The following TYW1B variants were observed in gnomAD, a reference collection of about 807,000 sequenced individuals.
The protein encoded by TYW1B is tRNA-yW synthesizing protein 1 homolog B, also known as S-adenosyl-L-methionine-dependent tRNA 4-demethylwyosine synthase TYW1B.
A neutral mutation model predicts 86.9 loss-of-function variants in TYW1B; 73 were observed. That is an observed-to-expected ratio of 0.84 (90% CI 0.70 to 1.02). TYW1B has a LOEUF of 1.02. Among genes scored for constraint, TYW1B ranks in the 50% least tolerant of loss-of-function variants. TYW1B has a pLI of 0.00. For synonymous variants in TYW1B, 248 were observed against 292.8 expected, an observed-to-expected ratio of 0.85 and a Z score of 1.56; for missense variants, 637 against 827.4, an observed-to-expected ratio of 0.77 and a Z score of 2.82.
intron 11 of TYW1B, among the ~76,000 whole-genome samples, chr7:72,668,859 T>C (rs1289424838): frequency 6.6e-6 from 1 of 152,200 alleles, no homozygotes; most frequent in African/African-American, 2.4e-5. Flanking sequence ...TTTTCTGATG[T>C]CAATGTCAGC....
chr7:72,808,676 C>T (rs556792277), intron 4 of TYW1B, among the ~76,000 whole-genome samples: 2 of 151,764 alleles, frequency 1.3e-5, no homozygotes, highest in Non-Finnish European at 2.9e-5. Context: ...TACAGGCATG[C>T]GCCACCATGC....
intron 5 of TYW1B, among the ~76,000 whole-genome samples, chr7:72,806,150 G>A (rs939441478): frequency 6.6e-6 from 1 of 151,922 alleles, no homozygotes; most frequent in Admixed American, 6.6e-5. Context: ...CTGTGGCTCC[G>A]TTTCGCAACT....
In TYW1B at chr7:72,777,465, T is replaced by C. The variant is rs1554470766; in HGVS notation, c.915A>G (p.Glu305=). The C allele has an allele frequency of 1.2e-6, 2 of 1,614,014 alleles. No individual in the cohort carries two copies. The highest frequency in any genetic ancestry group is 8.5e-7 in the Non-Finnish European group (1 of 1,180,012). The change falls in exon 7 of 14, where the codon GAA becomes GAG. Residue 305 remains glutamate, a synonymous_variant. Coordinates refer to ENST00000620995, the MANE Select transcript of TYW1B (RefSeq NM_001145440.3). The part of the protein sequence containing the change: ...FRNMGRNEDG[E]RRAMITPALR... ...GAGCAGGAGTTATCATAGCTCTTCT[T>C]TCACCATCTTCATTCCTCCCCATGT...
intron 13 of TYW1B, among the ~76,000 whole-genome samples, chr7:72,593,060 T>C (rs1236690037): frequency 2.0e-5 from 3 of 152,094 alleles, no homozygotes; most frequent in Non-Finnish European, 4.4e-5. Context: ...CCCAGCACTT[T>C]GGGAGGCCAA....
intron 8 of TYW1B, among the ~76,000 whole-genome samples, chr7:72,737,971 T>G (rs1378545508): frequency 3.9e-5 from 6 of 152,034 alleles, no homozygotes; most frequent in Admixed American, 2.0e-4. Flanking sequence ...AGACGGAGTT[T>G]CACCGTGTTA....
At chr7:72,745,201 T>A (rs1345071129) in intron 7 of TYW1B, among the ~76,000 whole-genome samples, 2 of 152,058 alleles carry the variant, frequency 1.3e-5, no homozygotes, top group Non-Finnish European at 2.9e-5. Context: ...TTTTTTAATT[T>A]TTTGTAGAGA....
intron 11 of TYW1B, 117 bp downstream of exon 11, chr7:72,694,570 T>G: frequency 7.6e-7 from 1 of 1,313,688 alleles, no homozygotes; most frequent in Non-Finnish European, 9.8e-7. Context: ...TCTTTTTTTA[T>G]TTTAAAGAGA....
chr7:72,778,824 C>T (rs1399868380), intron 6 of TYW1B, among the ~76,000 whole-genome samples: 1 of 152,126 alleles, frequency 6.6e-6, no homozygotes, highest in African/African-American at 2.4e-5. Context: ...ACCAGCACAC[C>T]TTTAATTACT....
rs782109905 is a variant in TYW1B at position 72,616,854 on chromosome 7, T to C, written c.1618-15A>G. Reference sequence around the variant, plus strand: ...TAGGTAACGCCCTGTGGAAACAGTATAACCATCAGAGATGACTACAGACCT... The same window carrying C: ...TAGGTAACGCCCTGTGGAAACAGTACAACCATCAGAGATGACTACAGACCT... On this transcript the variant is annotated splice_polypyrimidine_tract_variant and intron_variant, in intron 12 of 13. Transcript: ENST00000620995. 6.2e-7 allele frequency: 1 copy of C among 1,613,888 alleles called. No homozygotes were observed. Among genetic ancestry groups the C allele is most frequent in the Non-Finnish European group, 8.5e-7 (1 of 1,179,804 alleles).
chr7:72,821,602 A>G (rs1364850509), intron 2 of TYW1B, among the ~76,000 whole-genome samples: 2 of 152,144 alleles, frequency 1.3e-5, no homozygotes, highest in Non-Finnish European at 2.9e-5. Flanking sequence ...GAGCCTCTCT[A>G]TGGTATTTAG....
At chr7:72,669,663 G>A (rs1360052722) in intron 11 of TYW1B, among the ~76,000 whole-genome samples, 3 of 151,950 alleles carry the variant, frequency 2.0e-5, no homozygotes, top group African/African-American at 7.2e-5. Flanking sequence ...CCAGCTACTT[G>A]GGAAGCTGAG....
At chr7:72,811,919 C>CAA (rs66698234) in intron 3 of TYW1B, among the ~76,000 whole-genome samples, 1 of 108,650 alleles carries the variant, frequency 9.2e-6, no homozygotes, top group African/African-American at 3.5e-5. Flanking sequence ...GACTCCATCT[C>CAA]AAAAAAAAAA....
chr7:72,658,092 A>T (rs545909114), intron 11 of TYW1B, among the ~76,000 whole-genome samples: 14 of 151,954 alleles, frequency 9.2e-5, no homozygotes, highest in African/African-American at 3.1e-4. Context: ...CGTCTCTACT[A>T]AAAAAATACA....
At chr7:72,599,692 T>C (rs1554433326) in intron 13 of TYW1B, among the ~76,000 whole-genome samples, 1 of 152,154 alleles carries the variant, frequency 6.6e-6, no homozygotes, top group African/African-American at 2.4e-5. Flanking sequence ...AGCAAGGTTG[T>C]AAGACACAAA....
chr7:72,777,446 G>A lies in TYW1B; in HGVS notation c.934C>T (p.Pro312Ser). 6.2e-7 allele frequency: 1 copy of A among 1,614,040 alleles called. No homozygotes were observed. Among genetic ancestry groups the A allele is most frequent in the Non-Finnish European group, 8.5e-7 (1 of 1,179,958 alleles). Residue 312 changes from proline to serine, a missense_variant, in exon 7 of 14, where the codon CCT becomes TCT. Coordinates refer to ENST00000620995, the MANE Select transcript of TYW1B (RefSeq NM_001145440.3). ...EDGERRAMITPALREALTKQV... is the reference protein window; with the variant it reads ...EDGERRAMITSALREALTKQV... ...TTAGTAAGGGCTTCTCGGAGAGCAG[G>A]AGTTATCATAGCTCTTCTTTCACCA... is the stretch of plus-strand genomic sequence containing the variant.
At chr7:72,597,311 A>G (rs1403819531) in intron 13 of TYW1B, among the ~76,000 whole-genome samples, 4 of 152,214 alleles carry the variant, frequency 2.6e-5, no homozygotes, top group Non-Finnish European at 5.9e-5. Flanking sequence ...GGATGCAGCT[A>G]AAGTAGTACC....
chr7:72,804,158 G>A (rs1466912677), intron 5 of TYW1B, among the ~76,000 whole-genome samples: 9 of 151,468 alleles, frequency 5.9e-5, no homozygotes, highest in East Asian at 2.0e-4. Flanking sequence ...GGTGGCGTGC[G>A]CCTGTAGTCC....
chr7:72,608,322 T>C (rs1554435248), intron 13 of TYW1B, among the ~76,000 whole-genome samples: 1 of 152,198 alleles, frequency 6.6e-6, no homozygotes, highest in South Asian at 2.1e-4. Context: ...CCTTTGATAG[T>C]TGAAGCAAAA....
At chr7:72,776,404 C>T (rs1409734946) in intron 7 of TYW1B, among the ~76,000 whole-genome samples, 1 of 150,804 alleles carries the variant, frequency 6.6e-6, no homozygotes, top group African/African-American at 2.4e-5. Flanking sequence ...GCCAACATGG[C>T]GAAAAAATTA....
Sources: allele counts gnomAD v4.1 joint callset (sites outside exome capture counted in the v4.1 genomes callset), GRCh38; gene constraint gnomAD v4.1.1; transcripts MANE v1.5; gene names NCBI Gene and HGNC (gene_info 2026-07-23, HGNC 2026-07-21).